Variants in SLC44A5 observed in about 807,000 individuals in gnomAD.
The protein encoded by SLC44A5 is solute carrier family 44 member 5, also known as choline transporter-like protein 5.
Under a neutral mutation model 101.8 loss-of-function variants are expected in SLC44A5, and 57 were observed. That is an observed-to-expected ratio of 0.56 (90% CI 0.45 to 0.70). SLC44A5 has a LOEUF of 0.70. SLC44A5 is among the 30% of genes least tolerant of loss of function. The pLI is 0.00. For missense variants in SLC44A5, 737 were observed against 853.1 expected, an observed-to-expected ratio of 0.86 and a Z score of 1.70; for synonymous variants, 281 against 290.9, an observed-to-expected ratio of 0.97 and a Z score of 0.35.
intron 2 of SLC44A5, among the ~76,000 whole-genome samples, chr1:75,472,506 T>C (rs1241050595): frequency 6.6e-6 from 1 of 152,214 alleles, no homozygotes. Context: ...AAAATAACTT[T>C]GACAATTATT....
chr1:75,593,686 C>T (rs947077888), intron 1 of SLC44A5, among the ~76,000 whole-genome samples: 9 of 152,116 alleles, frequency 5.9e-5, no homozygotes, highest in Non-Finnish European at 1.3e-4. Flanking sequence ...TCATTTGCAA[C>T]AATGCAGATG....
At chr1:75,367,365 G>C (rs910377526) in intron 3 of SLC44A5, among the ~76,000 whole-genome samples, 1 of 152,168 alleles carries the variant, frequency 6.6e-6, no homozygotes, top group Admixed American at 6.5e-5. Context: ...AGATGAGACT[G>C]TCTCTGATAC....
chr1:75,329,044 C>T (rs987397606), intron 4 of SLC44A5, among the ~76,000 whole-genome samples: 3 of 152,080 alleles, frequency 2.0e-5, no homozygotes, highest in Admixed American at 6.5e-5. Context: ...ATTACCTGGG[C>T]GATGAAATAA....
chr1:75,390,225 G>A (rs1249827), intron 3 of SLC44A5, among the ~76,000 whole-genome samples: 96,038 of 151,682 alleles, frequency 0.63, 32,045 homozygotes, highest in East Asian at 0.96. Flanking sequence ...ATTCTACCAG[G>A]TGTATAAAGA....
chr1:75,572,025 A>T (rs1008381570), intron 1 of SLC44A5, among the ~76,000 whole-genome samples: 1 of 152,224 alleles, frequency 6.6e-6, no homozygotes, highest in Admixed American at 6.5e-5. Context: ...CAACCAAGAA[A>T]TATATGTCCA....
At chr1:75,226,301 A>T (rs1197440673) in intron 13 of SLC44A5, among the ~76,000 whole-genome samples, 1 of 151,964 alleles carries the variant, frequency 6.6e-6, no homozygotes, top group Non-Finnish European at 1.5e-5. Flanking sequence ...TGGGAGGGAC[A>T]TCTGTGCTGC....
intron 6 of SLC44A5, among the ~76,000 whole-genome samples, chr1:75,262,174 TA>T (rs1650572123): frequency 6.6e-6 from 1 of 152,184 alleles, no homozygotes. Flanking sequence ...GGTATTCAAG[TA>T]TGAAAAGAGG....
At chr1:75,622,336 C>T in the SLC44A5 span, among the ~76,000 whole-genome samples, 1 of 152,056 alleles carries the variant, frequency 6.6e-6, no homozygotes, top group Admixed American at 6.6e-5. Flanking sequence ...ATATTGTGCT[C>T]AATCTGTGCA....
chr1:75,328,313 T>C (rs1157996965), intron 4 of SLC44A5, among the ~76,000 whole-genome samples: 1 of 152,158 alleles, frequency 6.6e-6, no homozygotes, highest in African/African-American at 2.4e-5. Flanking sequence ...ATAGCTAATA[T>C]ATTCTTCTGA....
chr1:75,323,011 T>C (rs955890346), intron 4 of SLC44A5, among the ~76,000 whole-genome samples: 1 of 151,646 alleles, frequency 6.6e-6, no homozygotes, highest in Admixed American at 6.6e-5. Context: ...TACATATGTA[T>C]ACATGTGCCA....
At chr1:75,521,724 G>GT (rs1670136816) in intron 2 of SLC44A5, 1 of 152,858 alleles carries the variant, frequency 6.5e-6, no homozygotes, top group African/African-American at 2.4e-5. Context: ...AAATATAGGA[G>GT]GTGCTGCCGT....
chr1:75,385,149 T>C (rs1361248485), intron 3 of SLC44A5, among the ~76,000 whole-genome samples: 3 of 149,836 alleles, frequency 2.0e-5, no homozygotes, highest in Non-Finnish European at 3.0e-5. Flanking sequence ...TTAAAAGAAC[T>C]AGAAAAGCAA....
At chr1:75,343,992 T>C (rs983361779) in intron 3 of SLC44A5, among the ~76,000 whole-genome samples, 4 of 152,146 alleles carry the variant, frequency 2.6e-5, no homozygotes. Flanking sequence ...TTATTTCTTA[T>C]AATGCCCCTC....
At chr1:75,217,488 C>A (rs899837867) in intron 18 of SLC44A5, among the ~76,000 whole-genome samples, 1 of 151,994 alleles carries the variant, frequency 6.6e-6, no homozygotes, top group African/African-American at 2.4e-5. Flanking sequence ...GCCCGTGACA[C>A]CCACATTTAT....
intron 2 of SLC44A5, among the ~76,000 whole-genome samples, chr1:75,424,122 A>T (rs1024563368): frequency 2.0e-5 from 3 of 152,236 alleles, no homozygotes; most frequent in South Asian, 2.1e-4. Flanking sequence ...ATTTGTGCTC[A>T]GCCTGCAGAG....
chr1:75,311,773 G>C (rs2100917111), intron 4 of SLC44A5: 1 of 153,904 alleles, frequency 6.5e-6, no homozygotes, highest in Admixed American at 6.5e-5. Context: ...TAACTGCTAG[G>C]GAAAAAAACA....
intron 3 of SLC44A5, among the ~76,000 whole-genome samples, chr1:75,366,765 T>C (rs1569996404): frequency 6.6e-6 from 1 of 152,176 alleles, no homozygotes; most frequent in Non-Finnish European, 1.5e-5. Flanking sequence ...AAATGAGCTA[T>C]ATTTGAGTTT....
At chr1:75,331,184 C>G (rs1657027120) in intron 4 of SLC44A5, among the ~76,000 whole-genome samples, 1 of 152,040 alleles carries the variant, frequency 6.6e-6, no homozygotes, top group Non-Finnish European at 1.5e-5. Flanking sequence ...AGACAACTCC[C>G]AATTCTTGAT....
intron 3 of SLC44A5, among the ~76,000 whole-genome samples, chr1:75,375,497 A>T (rs2101200887): frequency 6.6e-6 from 1 of 152,326 alleles, no homozygotes; most frequent in East Asian, 1.9e-4. Flanking sequence ...TCTTTGTGAG[A>T]CATTATACAA....
Sources: gnomAD v4.1 joint callset for allele counts (sites outside exome capture counted in the v4.1 genomes callset) on GRCh38, gnomAD v4.1.1 for gene constraint, MANE v1.5 for transcripts, NCBI Gene and HGNC (gene_info 2026-07-23, HGNC 2026-07-21) for gene names.